Variants in AGBL1 observed in about 807,000 individuals in gnomAD.
The protein encoded by AGBL1 is AGBL carboxypeptidase 1.
AGBL1 carries 130 observed loss-of-function variants against 118.9 expected under a neutral mutation model. The observed-to-expected ratio is 1.09, with a 90% CI of 0.95 to 1.26. AGBL1 has a LOEUF of 1.26. Ranked by LOEUF, AGBL1 falls within the 50% of genes most tolerant of loss-of-function variation. AGBL1 has a pLI of 0.00. For synonymous variants in AGBL1, 555 were observed against 478.9 expected (o/e 1.16, Z -2.08); for missense variants, 1,584 against 1,298.1 (o/e 1.22, Z -3.38).
intron 23 of AGBL1, among the ~76,000 whole-genome samples, chr15:86,938,608 T>C (rs1464436651): frequency 6.6e-6 from 1 of 152,066 alleles, no homozygotes; most frequent in East Asian, 1.9e-4. Flanking sequence ...CCAGGATACC[T>C]AACAAAATTG....
chr15:86,724,939 C>T lies in AGBL1; in HGVS notation c.3158+50503C>T, dbSNP rs570415793. ...GACAGCAAGCTTCCTGTGCAGCCTG[C>T]AGAACCATGAGCCAATTAAACCTTG... is the stretch of plus-strand genomic sequence containing the variant. On this transcript the variant is annotated intron_variant, in intron 22 of 22. Coordinates refer to ENST00000614907, the MANE Select transcript of AGBL1 (RefSeq NM_001386094.1). Among the ~76,000 whole-genome samples, 7 of 152,294 alleles carry T rather than the reference C, an allele frequency of 4.6e-5. No individual in the cohort carries two copies. The East Asian group carries it at 1.4e-3, about 29-fold the overall frequency.
At chr15:86,790,824 A>T (rs1051640019) in intron 22 of AGBL1, among the ~76,000 whole-genome samples, 5 of 152,170 alleles carry the variant, frequency 3.3e-5, no homozygotes, top group African/African-American at 9.7e-5. Context: ...ATGTGGTAGC[A>T]GCTCCTGGAA....
At chr15:86,140,753 G>A (rs750173397) in intron 1 of AGBL1, among the ~76,000 whole-genome samples, 27 of 152,248 alleles carry the variant, frequency 1.8e-4, no homozygotes, top group Middle Eastern at 3.4e-3. Context: ...GGAAAAGTGC[G>A]GCTGGAAGAG....
intron 22 of AGBL1, among the ~76,000 whole-genome samples, chr15:86,686,263 G>A (rs565890440): frequency 6.6e-6 from 1 of 152,164 alleles, no homozygotes; most frequent in African/African-American, 2.4e-5. Flanking sequence ...TCCTATCAGT[G>A]AAGTGCTGAG....
At chr15:86,468,997 G>GAT (rs534748150) in intron 18 of AGBL1, among the ~76,000 whole-genome samples, 2 of 152,032 alleles carry the variant, frequency 1.3e-5, no homozygotes, top group African/African-American at 4.8e-5. Flanking sequence ...GTGATGTTTA[G>GAT]ATATATATAT....
intron 1 of AGBL1, among the ~76,000 whole-genome samples, chr15:86,141,630 A>T (rs55984370): frequency 1.3e-5 from 2 of 152,204 alleles, no homozygotes; most frequent in Non-Finnish European, 2.9e-5. Flanking sequence ...CCGCCTGGGC[A>T]ACAGAGCAAG....
At chr15:86,222,392 A>G (rs1393736166) in intron 5 of AGBL1, among the ~76,000 whole-genome samples, 1 of 152,026 alleles carries the variant, frequency 6.6e-6, no homozygotes, top group African/African-American at 2.4e-5. Flanking sequence ...TCCCCTATCT[A>G]CCTAGCCTAA....
chr15:86,637,626 C>T (rs892789404), intron 21 of AGBL1, among the ~76,000 whole-genome samples: 2 of 152,134 alleles, frequency 1.3e-5, no homozygotes, highest in African/African-American at 4.8e-5. Context: ...CTAGCAAAGG[C>T]TATTGGGGTC....
intron 23 of AGBL1, among the ~76,000 whole-genome samples, chr15:86,969,945 T>G (rs947984925): frequency 6.6e-6 from 1 of 151,918 alleles, no homozygotes; most frequent in African/African-American, 2.4e-5. Context: ...CTGGATTTCA[T>G]GTTGAATTTT....
chr15:86,985,116 T>C (rs2081268666), intron 23 of AGBL1, among the ~76,000 whole-genome samples: 1 of 151,830 alleles, frequency 6.6e-6, no homozygotes, highest in Non-Finnish European at 1.5e-5. Context: ...GTAGATATGC[T>C]ATATTGTGTT....
intron 18 of AGBL1, among the ~76,000 whole-genome samples, chr15:86,442,008 A>G (rs540772611): frequency 6.6e-6 from 1 of 152,384 alleles, no homozygotes; most frequent in Non-Finnish European, 1.5e-5. Context: ...ATGGTAACAC[A>G]ACTGATGAAA....
chr15:86,126,615 A>G (rs74841556), intron 1 of AGBL1, among the ~76,000 whole-genome samples: 1 of 152,218 alleles, frequency 6.6e-6, no homozygotes, highest in African/African-American at 2.4e-5. Context: ...ATCCATACTT[A>G]TTACCTAGTG....
At chr15:86,693,393 A>T (rs966323263) in intron 22 of AGBL1, among the ~76,000 whole-genome samples, 1 of 152,008 alleles carries the variant, frequency 6.6e-6, no homozygotes, top group Non-Finnish European at 1.5e-5. Flanking sequence ...GGCAATTTGT[A>T]TATCTTCTTG....
intron 22 of AGBL1, among the ~76,000 whole-genome samples, chr15:86,835,607 A>T (rs1490928335): frequency 6.6e-6 from 1 of 152,196 alleles, no homozygotes; most frequent in Non-Finnish European, 1.5e-5. Context: ...AGGAAGAAGT[A>T]GAAGGAAAAA....
intron 21 of AGBL1, among the ~76,000 whole-genome samples, chr15:86,586,812 G>A (rs1375615152): frequency 1.3e-5 from 2 of 152,128 alleles, no homozygotes; most frequent in Non-Finnish European, 2.9e-5. Flanking sequence ...AAAGAGTTAA[G>A]CTTTGTTTAA....
chr15:86,733,630 A>G (rs990854843), intron 22 of AGBL1, among the ~76,000 whole-genome samples: 3 of 152,140 alleles, frequency 2.0e-5, no homozygotes, highest in Admixed American at 2.0e-4. Context: ...AATATCACTA[A>G]CATGCATTGA....
At chr15:87,010,620 C>G (rs966294539) in intron 24 of AGBL1, among the ~76,000 whole-genome samples, 3 of 152,202 alleles carry the variant, frequency 2.0e-5, no homozygotes, top group Non-Finnish European at 4.4e-5. Flanking sequence ...CGCCATTCCC[C>G]TGCTCCCCAT....
intron 18 of AGBL1, among the ~76,000 whole-genome samples, chr15:86,468,335 C>G (rs1038199645): frequency 2.0e-5 from 3 of 152,146 alleles, no homozygotes; most frequent in African/African-American, 4.8e-5. Flanking sequence ...GTCCATCGCA[C>G]AAAATTTTGG....
At chr15:86,293,808 GT>G (rs1175079276) in intron 16 of AGBL1, among the ~76,000 whole-genome samples, 2 of 151,978 alleles carry the variant, frequency 1.3e-5, no homozygotes, top group Non-Finnish European at 2.9e-5. Context: ...AAATTCATGA[GT>G]TTTTTGTTTC....
Sources: gnomAD v4.1 joint callset for allele counts (sites outside exome capture counted in the v4.1 genomes callset) on GRCh38, gnomAD v4.1.1 for gene constraint, MANE v1.5 for transcripts, NCBI Gene and HGNC (gene_info 2026-07-23, HGNC 2026-07-21) for gene names.